USPL1: variants seen among roughly 807,000 people sequenced by gnomAD.
The protein encoded by USPL1 is ubiquitin specific peptidase like 1.
Under a neutral mutation model 51.5 loss-of-function variants are expected in USPL1, and 27 were observed. The observed-to-expected ratio is 0.52, with a 90% confidence interval of 0.39 to 0.72. The LOEUF (loss-of-function observed/expected upper bound fraction) is 0.72. USPL1 is among the 30% of genes least tolerant of loss of function. The pLI is 0.00. For missense variants in USPL1, 1,226 were observed against 1,268.0 expected (o/e 0.97, Z 0.50); for synonymous variants, 451 against 459.6 (o/e 0.98, Z 0.24).
intron 7 of USPL1, among the ~76,000 whole-genome samples, chr13:30,650,222 TTTGA>T (rs1441436632): frequency 6.6e-6 from 1 of 152,182 alleles, no homozygotes; most frequent in Admixed American, 6.5e-5. Flanking sequence ...AAGGATATTA[TTTGA>T]TTGACTCCAA....
intron 4 of USPL1, 103 bp from the exon 5 acceptor site, chr13:30,637,641 T>G (rs1593374808): frequency 1.1e-6 from 1 of 946,614 alleles, no homozygotes; most frequent in Admixed American, 2.4e-5. Context: ...TTTGTCTGTT[T>G]GCAAAACTTA....
chr13:30,623,414 C>T (rs1950669476), intron 3 of USPL1, among the ~76,000 whole-genome samples: 1 of 152,064 alleles, frequency 6.6e-6, no homozygotes, highest in Non-Finnish European at 1.5e-5. Context: ...AGAGGAGTGA[C>T]ATAAGTTGAC....
chr13:30,647,154 T>C (rs1439676896), intron 7 of USPL1, 97 bp downstream of exon 7: 100 of 1,307,274 alleles, frequency 7.6e-5, no homozygotes, highest in Non-Finnish European at 9.8e-5. Flanking sequence ...ACAACTTACC[T>C]TTCTGAAATT....
intron 8 of USPL1, among the ~76,000 whole-genome samples, 168 bp from the exon 9 acceptor site, chr13:30,657,306 T>G (rs905261756): frequency 1.3e-5 from 2 of 152,212 alleles, no homozygotes; most frequent in African/African-American, 2.4e-5. Context: ...ATATACTCTA[T>G]CTAAGGACTT....
At chr13:30,619,530 C>T (rs1950620607) in intron 1 of USPL1, among the ~76,000 whole-genome samples, 1 of 152,174 alleles carries the variant, frequency 6.6e-6, no homozygotes, top group Admixed American at 6.5e-5. Flanking sequence ...AGGTACATAG[C>T]CTACTAGTTT....
intron 4 of USPL1, among the ~76,000 whole-genome samples, chr13:30,631,851 A>T (rs893399840): frequency 6.6e-6 from 1 of 152,180 alleles, no homozygotes; most frequent in African/African-American, 2.4e-5. Context: ...TGTGGGAAAG[A>T]TGTCATCCAT....
Position 30,657,951 on chromosome 13 carries a change from T to C in USPL1, c.1874T>C (p.Leu625Ser), listed in dbSNP as rs1264259412. ...ENTGILKTNT[L>S]LSQESLMASS... ...ACAGGAATTCTCAAAACCAATACTT[T>C]GCTATCACAAGAATCACTAATGGCT... The change falls in exon 9 of 9, where the codon TTG becomes TCG. Residue 625 changes from leucine to serine, a missense_variant. Coordinates refer to ENST00000255304, the MANE Select transcript of USPL1 (RefSeq NM_005800.5). 2 of 1,613,590 alleles carry C rather than the reference T, an allele frequency of 1.2e-6. No homozygotes were observed. Among genetic ancestry groups the C allele is most frequent in the African/African-American group, 2.7e-5 (2 of 74,938 alleles).
rs778227927 is a variant in USPL1, at chr13:30,631,470, T to G, written c.864T>G (p.Val288=). The change falls in exon 4 of 9, where the codon GTT becomes GTG. Residue 288 remains valine, a synonymous_variant. Transcript: ENST00000255304. ...TATATACCAGTCAATTGAGTGGTGTTAAAGGTTGGTACTAATATTTTATTT... is the reference window on the plus strand; with the variant it reads ...TATATACCAGTCAATTGAGTGGTGTGAAAGGTTGGTACTAATATTTTATTT... ...TLLYTSQLSG[V]KDGDCKKLTS... is the part of the protein sequence containing the mutation. 7 of 1,610,640 alleles carry G rather than the reference T, an allele frequency of 4.3e-6. No homozygotes were observed. Among genetic ancestry groups the G allele is most frequent in the Non-Finnish European group, 5.9e-6 (7 of 1,178,586 alleles).
intron 4 of USPL1, among the ~76,000 whole-genome samples, chr13:30,635,655 A>G (rs113896592): frequency 6.6e-6 from 1 of 152,162 alleles, no homozygotes; most frequent in Non-Finnish European, 1.5e-5. Context: ...CATCATACCA[A>G]GCTTTCTTTG....
chr13:30,638,574 G>A (rs1010488274), intron 5 of USPL1, among the ~76,000 whole-genome samples: 5 of 152,046 alleles, frequency 3.3e-5, no homozygotes, highest in African/African-American at 9.7e-5. Flanking sequence ...TTAGTATTGC[G>A]AAAAGGAGCT....
chr13:30,658,014 A>G lies in USPL1; in HGVS notation c.1937A>G (p.Gln646Arg), dbSNP rs746787261. ...GCTCCATGTAATGAAAAGCTTATTC[A>G]AGACCAATTTGTGGACATAAGTTTT... ...VSAPCNEKLI[Q>R]DQFVDISFPS... The change falls in exon 9 of 9, where the codon CAA becomes CGA. Residue 646 changes from glutamine (Q) to arginine (R), a missense_variant. Coordinates refer to ENST00000255304, the MANE Select transcript of USPL1 (RefSeq NM_005800.5). The G allele has an allele frequency of 3.1e-6, 5 of 1,613,448 alleles. No individual in the cohort carries two copies. In the Admixed American group the frequency reaches 6.7e-5, roughly 22 times the overall value.
At chr13:30,650,055 A>AC (rs1175342819) in intron 7 of USPL1, among the ~76,000 whole-genome samples, 1 of 152,120 alleles carries the variant, frequency 6.6e-6, no homozygotes, top group East Asian at 1.9e-4. Flanking sequence ...ATGGGGTTTC[A>AC]CCATGTTGGC....
Position 30,659,368 on chromosome 13 carries a change from T to C in USPL1, c.*12T>C. 6.5e-7 allele frequency: 1 copy of C among 1,547,834 alleles called. No homozygotes were observed. The highest frequency in any genetic ancestry group is 8.7e-7 in the Non-Finnish European group (1 of 1,150,772). ...TTGAGAATTATTGAATTAATGCTTG[T>C]TAACTTTTTTCATATAATATTTATT... On this transcript the variant is annotated 3_prime_UTR_variant, in exon 9 of 9. Transcript: ENST00000255304.
rs147059803 is a variant in USPL1, at chr13:30,660,453, C to T, written c.*1097C>T. 25 of 152,258 alleles carry T rather than the reference C, an allele frequency of 1.6e-4. No homozygotes were observed. In the East Asian group the frequency reaches 4.6e-3, roughly 28 times the overall value. 9.4% of individuals were successfully genotyped at this position (152,258 alleles called of 1,614,324 possible). A position where few individuals can be genotyped will look rare whatever the true frequency, so the allele number is the denominator to read the frequency against. Reference sequence around the variant, plus strand: ...CGCACCCAGGAGGGTGGAGATCTTGCCTGCTCCAAGGCTGCAGCCGGAATG... The same window carrying T: ...CGCACCCAGGAGGGTGGAGATCTTGTCTGCTCCAAGGCTGCAGCCGGAATG... On this transcript the variant is annotated 3_prime_UTR_variant, in exon 9 of 9. Transcript: ENST00000255304.
intron 5 of USPL1, 42 bp downstream of exon 5, chr13:30,637,899 C>A: frequency 7.3e-7 from 1 of 1,378,018 alleles, no homozygotes. Context: ...ACTCATCTAC[C>A]ATATAGAAAT....
At chr13:30,654,822 C>CT (rs994766618) in intron 8 of USPL1, among the ~76,000 whole-genome samples, 3 of 151,746 alleles carry the variant, frequency 2.0e-5, no homozygotes, top group African/African-American at 4.8e-5. Flanking sequence ...AGTTATGTGA[C>CT]TTTTTTTAAT....
chr13:30,637,704 C>A, intron 4 of USPL1, 40 bp from the exon 5 acceptor site: 1 of 1,463,760 alleles, frequency 6.8e-7, no homozygotes, highest in Non-Finnish European at 9.4e-7. Context: ...GGAAGATATA[C>A]ATTGATGAGG....
At chr13:30,622,681 A>G (rs1433576571) in intron 3 of USPL1, among the ~76,000 whole-genome samples, 2 of 152,164 alleles carry the variant, frequency 1.3e-5, no homozygotes, top group Non-Finnish European at 2.9e-5. Flanking sequence ...CTTTTAATAA[A>G]TTTCTGAGTA....
At chr13:30,637,975 A>C in intron 5 of USPL1, 118 bp downstream of exon 5, 1 of 852,900 alleles carries the variant, frequency 1.2e-6, no homozygotes, top group Non-Finnish European at 1.8e-6. Flanking sequence ...TGGGAGAGAG[A>C]ATCTGAGTAG....
Sources: gnomAD v4.1 joint callset for allele counts (sites outside exome capture counted in the v4.1 genomes callset) on GRCh38, gnomAD v4.1.1 for gene constraint, MANE v1.5 for transcripts, NCBI Gene and HGNC (gene_info 2026-07-23, HGNC 2026-07-21) for gene names.